The following MAPKBP1 variants were observed in gnomAD, a reference collection of about 807,000 sequenced individuals.
MAPKBP1 encodes the protein mitogen-activated protein kinase binding protein 1.
Under a neutral mutation model 170.5 loss-of-function variants are expected in MAPKBP1, and 71 were observed. The ratio of observed to expected loss-of-function variants is 0.42; its 90% CI spans 0.34 to 0.51. The LOEUF (loss-of-function observed/expected upper bound fraction) is 0.51, where lower values mean the gene tolerates loss of function less well. Among genes scored for constraint, MAPKBP1 ranks in the 20% least tolerant of loss-of-function variants. The pLI is 0.06. For missense variants in MAPKBP1, 1,598 were observed against 1,933.0 expected, an observed-to-expected ratio of 0.83 and a Z score of 3.25; for synonymous variants, 719 against 757.9, an observed-to-expected ratio of 0.95 and a Z score of 0.84.
intron 21 of MAPKBP1, 60 bp downstream of exon 21, chr15:41,819,439 G>A: frequency 6.2e-7 from 1 of 1,600,392 alleles, no homozygotes; most frequent in East Asian, 2.3e-5. Context: ...GCTAGATATG[G>A]TTTTTCTGAG....
At chr15:41,805,407 C>T (rs776436123) in intron 3 of MAPKBP1, among the ~76,000 whole-genome samples, 8 of 151,940 alleles carry the variant, frequency 5.3e-5, no homozygotes, top group Non-Finnish European at 1.0e-4. Context: ...CCAGCACAGC[C>T]CCTGTGCCCC....
At chr15:41,812,218 C>A in intron 6 of MAPKBP1, 91 bp downstream of exon 6, 1 of 1,491,574 alleles carries the variant, frequency 6.7e-7, no homozygotes, top group Non-Finnish European at 9.2e-7. Flanking sequence ...CTGCTCCATT[C>A]CACCCCACTG....
Position 41,825,388 on chromosome 15 carries a change from A to G in MAPKBP1, c.4479A>G (p.Ser1493=). The G allele has an allele frequency of 6.2e-7, 1 of 1,613,250 alleles. No individual in the cohort carries two copies. Among genetic ancestry groups the G allele is most frequent in the Non-Finnish European group, 8.5e-7 (1 of 1,179,738 alleles). The change falls in exon 31 of 31, where the codon TCA becomes TCG. Residue 1493 remains serine (S), a synonymous_variant. Transcript: ENST00000457542. Reference sequence around the variant, plus strand: ...CACAGGCCCTGCTGGAGCAATACTCAGAACTGTTGCTTCGAGCCGTGGAAC... The same window carrying G: ...CACAGGCCCTGCTGGAGCAATACTCGGAACTGTTGCTTCGAGCCGTGGAAC... ...EQTQALLEQY[S]ELLLRAVERR...
rs762476946 is a variant in MAPKBP1, at chr15:41,823,574, G to C, written c.3726G>C (p.Gln1242His). The C allele has an allele frequency of 6.2e-7, 1 of 1,614,160 alleles. No homozygotes were observed. The highest frequency in any genetic ancestry group is 8.5e-7 in the Non-Finnish European group (1 of 1,180,026). ...DGRPSRPHSY[Q>H]NPTTSSMAKI... is the part of the protein sequence containing the mutation. ...GTCCGTCTCGGCCTCACTCCTATCA[G>C]AACCCCACCACCAGTTCCATGGCCA... is the stretch of plus-strand genomic sequence containing the variant. Residue 1242 changes from glutamine to histidine, a missense_variant, in exon 29 of 31, where the codon CAG (glutamine) becomes CAC (histidine). Physicochemically the swap from Gln to His is conservative, Grantham distance 24 (BLOSUM62 0). Transcript: ENST00000457542.
intron 4 of MAPKBP1, 94 bp from the exon 5 acceptor site, chr15:41,811,084 G>T: frequency 6.5e-7 from 1 of 1,536,160 alleles, no homozygotes; most frequent in South Asian, 1.1e-5. Flanking sequence ...ATGTGCCATT[G>T]GTGTCTGCTG....
intron 2 of MAPKBP1, among the ~76,000 whole-genome samples, chr15:41,795,767 C>A (rs865963089): frequency 3.3e-5 from 5 of 152,118 alleles, no homozygotes; most frequent in African/African-American, 9.7e-5. Context: ...GCGTCACGCC[C>A]GGCTAATTTT....
intron 22 of MAPKBP1, among the ~76,000 whole-genome samples, 153 bp from the exon 23 acceptor site, chr15:41,820,679 G>T (rs1385982780): frequency 6.6e-6 from 1 of 152,214 alleles, no homozygotes; most frequent in African/African-American, 2.4e-5. Context: ...GTAAAACAAG[G>T]ATTATACTAG....
At chr15:41,784,156 T>C (rs977819281) in intron 2 of MAPKBP1, among the ~76,000 whole-genome samples, 2 of 152,236 alleles carry the variant, frequency 1.3e-5, no homozygotes, top group African/African-American at 2.4e-5. Context: ...GAGGGCACAG[T>C]ATCTTTGTAT....
chr15:41,810,538 G>A (rs1176284755), intron 3 of MAPKBP1, among the ~76,000 whole-genome samples: 1 of 81,248 alleles, frequency 1.2e-5, no homozygotes, highest in Non-Finnish European at 2.7e-5. Context: ...AAGATCCCGT[G>A]TCTACAAAAA....
At chr15:41,780,319 C>T (rs752669242) in intron 2 of MAPKBP1, among the ~76,000 whole-genome samples, 2 of 152,194 alleles carry the variant, frequency 1.3e-5, no homozygotes, top group Non-Finnish European at 2.9e-5. Flanking sequence ...AGGCTTCAGC[C>T]TGACATCTGT....
At chr15:41,788,017 G>C (rs1478827592) in intron 2 of MAPKBP1, among the ~76,000 whole-genome samples, 1 of 152,000 alleles carries the variant, frequency 6.6e-6, no homozygotes, top group Non-Finnish European at 1.5e-5. Context: ...GAGTGCAGTG[G>C]CACTATCTCA....
intron 13 of MAPKBP1, 75 bp downstream of exon 13, chr15:41,816,725 G>T: frequency 6.7e-7 from 1 of 1,493,214 alleles, no homozygotes; most frequent in South Asian, 1.1e-5. Flanking sequence ...CCGGCTCTTG[G>T]ACGTGGGGTC....
Position 41,817,090 on chromosome 15 carries a change from G to GC in MAPKBP1, c.1711+57dup. 2 of 1,533,272 alleles carry GC rather than the reference G, an allele frequency of 1.3e-6. No homozygotes were observed. Among genetic ancestry groups the GC allele is most frequent in the Admixed American group, 4.0e-5 (2 of 50,330 alleles). 95.0% of individuals were successfully genotyped at this position (1,533,272 alleles called of 1,614,324 possible). ...GCCACTCTCACCCCTGCTGCCATCT[G>GC]CCTCCCACCTCCATGAGAAGGGTCT... On this transcript the variant is annotated intron_variant, in intron 14 of 30. Coordinates refer to ENST00000457542, the MANE Select transcript of MAPKBP1 (RefSeq NM_014994.3). This position sits in a 1 kb window ranked among gnomAD's most constrained non-coding sequence, Gnocchi z 4.2.
chr15:41,775,453 A>T, intron 2 of MAPKBP1, 64 bp downstream of exon 2: 1 of 1,207,194 alleles, frequency 8.3e-7, no homozygotes, highest in Admixed American at 1.8e-5. Flanking sequence ...TTCCTCGTTA[A>T]CCTTCCTGTT....
At chr15:41,809,814 T>C (rs2064771199) in intron 3 of MAPKBP1, among the ~76,000 whole-genome samples, 1 of 152,264 alleles carries the variant, frequency 6.6e-6, no homozygotes, top group Non-Finnish European at 1.5e-5. Flanking sequence ...CCTTGCTGCC[T>C]GACGGGAGAG....
At chr15:41,819,543 G>T (rs1463679300) in intron 21 of MAPKBP1, 52 bp from the exon 22 acceptor site, 3 of 1,460,368 alleles carry the variant, frequency 2.1e-6, no homozygotes, top group Admixed American at 3.8e-5. Context: ...CCAGGGTTGG[G>T]TGGCGGGGGG....
intron 2 of MAPKBP1, among the ~76,000 whole-genome samples, chr15:41,799,386 G>A (rs993873961): frequency 5.3e-5 from 8 of 152,212 alleles, no homozygotes; most frequent in African/African-American, 1.9e-4. Flanking sequence ...ACATTCTTTT[G>A]GCTCTTGGTA....
chr15:41,795,367 A>G (rs150326052), intron 2 of MAPKBP1, among the ~76,000 whole-genome samples: 8 of 152,158 alleles, frequency 5.3e-5, no homozygotes, highest in Non-Finnish European at 1.0e-4. Flanking sequence ...ACCTGAGGCT[A>G]CAATTGGCTT....
chr15:41,811,876 G>C lies in MAPKBP1; in HGVS notation c.328-81G>C, dbSNP rs1479857488. ...GGTATCTAGTAGCTGAGGAGGCGAG[G>C]GCCCCGCTCTGGAAGACGAAGTGGG... is the stretch of plus-strand genomic sequence containing the variant. On this transcript the variant is annotated intron_variant, in intron 5 of 30. Coordinates refer to ENST00000457542, the MANE Select transcript of MAPKBP1 (RefSeq NM_014994.3). 5 of 1,461,746 alleles carry C rather than the reference G, an allele frequency of 3.4e-6. 1 individual carries two copies. The highest frequency in any genetic ancestry group is 4.7e-6 in the Non-Finnish European group (5 of 1,055,420). The allele number at this position is 1,461,746 out of a possible 1,614,324, so 90.5% of individuals were successfully genotyped here.
Sources: allele counts gnomAD v4.1 joint callset (sites outside exome capture counted in the v4.1 genomes callset), GRCh38; gene constraint gnomAD v4.1.1; non-coding constraint Gnocchi (gnomAD v3.1); transcripts MANE v1.5; gene names NCBI Gene and HGNC (gene_info 2026-07-23, HGNC 2026-07-21).